The following ANKRD31 variants were observed in gnomAD, a reference collection of about 807,000 sequenced individuals.
ANKRD31 encodes ankyrin repeat domain 31.
ANKRD31 carries 147 observed loss-of-function variants against 186.0 expected under a neutral mutation model. The observed-to-expected ratio is 0.79, with a 90% CI of 0.69 to 0.91. ANKRD31 has a LOEUF of 0.91. Among genes scored for constraint, ANKRD31 ranks in the 40% least tolerant of loss-of-function variants. ANKRD31 has a pLI of 0.00. For missense variants in ANKRD31, 1,986 were observed against 2,148.8 expected (o/e 0.92, Z 1.50); for synonymous variants, 673 against 736.4 (o/e 0.91, Z 1.39).
chr5:75,222,629 G>A (rs1757374236), intron 2 of ANKRD31, among the ~76,000 whole-genome samples: 2 of 152,074 alleles, frequency 1.3e-5, no homozygotes, highest in Non-Finnish European at 2.9e-5. Flanking sequence ...AGGCCCTGGT[G>A]TGTGTTGTTC....
intron 15 of ANKRD31, among the ~76,000 whole-genome samples, chr5:75,140,317 G>GGAAA (rs1750954835): frequency 6.7e-6 from 1 of 150,354 alleles, no homozygotes. Context: ...AAGGAAGGAA[G>GGAAA]GAAGGAAGGA....
intron 10 of ANKRD31, among the ~76,000 whole-genome samples, chr5:75,187,098 G>A (rs184905499): frequency 1.8e-3 from 230 of 127,426 alleles, no homozygotes; most frequent in African/African-American, 7.2e-3. Context: ...AAACATTGCC[G>A]GTGATTCTGT....
intron 4 of ANKRD31, among the ~76,000 whole-genome samples, chr5:75,208,528 G>T (rs1211487896): frequency 1.3e-5 from 2 of 151,974 alleles, no homozygotes; most frequent in African/African-American, 4.8e-5. Context: ...AAATAAAATG[G>T]TCTTAAAATC....
At chr5:75,120,874 T>C (rs746217419) in intron 17 of ANKRD31, among the ~76,000 whole-genome samples, 1 of 152,108 alleles carries the variant, frequency 6.6e-6, no homozygotes, top group Non-Finnish European at 1.5e-5. Context: ...AGAAACTCAC[T>C]TTACTGGTAA....
chr5:75,088,907 T>C (rs1745719042), intron 23 of ANKRD31, among the ~76,000 whole-genome samples: 2 of 152,220 alleles, frequency 1.3e-5, no homozygotes, highest in Non-Finnish European at 2.9e-5. Flanking sequence ...GCACTACTTA[T>C]TTTATACATA....
intron 22 of ANKRD31, among the ~76,000 whole-genome samples, chr5:75,103,398 G>A (rs1169492885): frequency 6.6e-6 from 1 of 152,202 alleles, no homozygotes; most frequent in African/African-American, 2.4e-5. Flanking sequence ...TACACTGTTG[G>A]TGGGAATGTA....
In ANKRD31 at chr5:75,196,040, A is replaced by G; in HGVS notation, c.608T>C (p.Met203Thr). ...CTTAGTTTCTTCAGAAGTCATGGTCATTGTGACTTCCTTTCTAGGCTCAAA... is the reference window on the plus strand; with the variant it reads ...CTTAGTTTCTTCAGAAGTCATGGTCGTTGTGACTTCCTTTCTAGGCTCAAA... ...TFFEPRKEVT[M>T]TMTSEETKDE... The change falls in exon 7 of 26, where the codon ATG becomes ACG. Residue 203 changes from methionine to threonine, a missense_variant. Coordinates refer to ENST00000506364, the MANE Select transcript of ANKRD31 (RefSeq NM_001372053.1). The G allele has an allele frequency of 2.6e-6, 4 of 1,536,266 alleles. No homozygotes were observed. The highest frequency in any genetic ancestry group is 2.0e-5 in the Admixed American group (1 of 50,862).
intron 13 of ANKRD31, 101 bp downstream of exon 13, chr5:75,148,475 A>T: frequency 1.3e-6 from 1 of 783,766 alleles, no homozygotes; most frequent in Non-Finnish European, 1.9e-6. Context: ...TGAAGTCATT[A>T]TTACTAAAGC....
At chr5:75,133,061 C>T (rs781759730) in intron 17 of ANKRD31, among the ~76,000 whole-genome samples, 2 of 152,112 alleles carry the variant, frequency 1.3e-5, no homozygotes, top group Non-Finnish European at 2.9e-5. Context: ...CAAAAACATG[C>T]CAAATTGTAA....
chr5:75,131,476 T>C (rs1749830305), intron 17 of ANKRD31, among the ~76,000 whole-genome samples: 1 of 152,290 alleles, frequency 6.6e-6, no homozygotes, highest in South Asian at 2.1e-4. Context: ...GCGTCCACCA[T>C]TGCTGAGGCT....
chr5:75,228,085 G>A (rs931061352), intron 2 of ANKRD31, among the ~76,000 whole-genome samples: 3 of 152,192 alleles, frequency 2.0e-5, no homozygotes, highest in African/African-American at 7.2e-5. Flanking sequence ...AGTAACTAGT[G>A]TATGTACACA....
chr5:75,137,539 A>G (rs1750687594), intron 17 of ANKRD31, among the ~76,000 whole-genome samples: 1 of 152,054 alleles, frequency 6.6e-6, no homozygotes, highest in Non-Finnish European at 1.5e-5. Flanking sequence ...CTATAATTAG[A>G]CTCTTCTGTG....
chr5:75,217,503 G>A (rs531154783), intron 3 of ANKRD31, among the ~76,000 whole-genome samples: 1 of 152,186 alleles, frequency 6.6e-6, no homozygotes, highest in East Asian at 1.9e-4. Flanking sequence ...ATGGACTAGG[G>A]AAGGGAATGC....
intron 25 of ANKRD31, among the ~76,000 whole-genome samples, chr5:75,070,636 C>T (rs932971884): frequency 1.3e-5 from 2 of 152,192 alleles, no homozygotes; most frequent in African/African-American, 4.8e-5. Context: ...CACATCTTTG[C>T]CAATACTGAA....
intron 10 of ANKRD31, among the ~76,000 whole-genome samples, chr5:75,181,317 G>A (rs550296779): frequency 6.6e-6 from 1 of 152,272 alleles, no homozygotes; most frequent in African/African-American, 2.4e-5. Flanking sequence ...CATTGTGGAA[G>A]TCGGTGTGGC....
At chr5:75,092,512 G>A (rs1745995997) in intron 22 of ANKRD31, among the ~76,000 whole-genome samples, 1 of 152,126 alleles carries the variant, frequency 6.6e-6, no homozygotes, top group South Asian at 2.1e-4. Flanking sequence ...GGAAAGAGGT[G>A]GCCAAGGCTT....
rs963180140 is a variant in ANKRD31, at chr5:75,136,857, C to T, written c.3876+999G>A. Among the ~76,000 whole-genome samples the T allele has an allele frequency of 2.0e-5, 3 of 152,186 alleles. No individual in the cohort carries two copies. The East Asian group carries it at 5.8e-4, about 29-fold the overall frequency. On this transcript the variant is annotated intron_variant, in intron 17 of 25. Transcript: ENST00000506364. ...CCATAAAAAAGGATGAGTTCATGTC[C>T]TTTGCAGGGACATGGATGAATCTGG...
At chr5:75,132,302 A>G (rs1749926588) in intron 17 of ANKRD31, among the ~76,000 whole-genome samples, 1 of 152,190 alleles carries the variant, frequency 6.6e-6, no homozygotes, top group South Asian at 2.1e-4. Context: ...ACTAGAATAA[A>G]CAGCATAGAG....
chr5:75,191,856 G>A (rs1221669584), intron 9 of ANKRD31, among the ~76,000 whole-genome samples: 3 of 151,974 alleles, frequency 2.0e-5, no homozygotes, highest in African/African-American at 7.2e-5. Context: ...ATACATATAT[G>A]TGAAAGGCAT....
Sources: gnomAD v4.1 joint callset for allele counts (sites outside exome capture counted in the v4.1 genomes callset) on GRCh38, gnomAD v4.1.1 for gene constraint, MANE v1.5 for transcripts, NCBI Gene and HGNC (gene_info 2026-07-23, HGNC 2026-07-21) for gene names.